Variants in RAD50 observed in about 807,000 individuals in gnomAD.
RAD50 encodes RAD50 double strand break repair protein, also known as DNA repair protein RAD50.
Under a neutral mutation model 168.8 loss-of-function variants are expected in RAD50, and 132 were observed. The ratio of observed to expected loss-of-function variants is 0.78; its 90% confidence interval spans 0.68 to 0.90. The LOEUF (loss-of-function observed/expected upper bound fraction) is 0.90. RAD50 is among the 40% of genes least tolerant of loss of function. The probability of loss-of-function intolerance (pLI) is 0.00; values close to 1 mark genes in which losing one functional copy is unlikely to be tolerated. For missense variants in RAD50, 1,347 were observed against 1,534.4 expected, an observed-to-expected ratio of 0.88 and a Z score of 2.04; for synonymous variants, 525 against 497.4, an observed-to-expected ratio of 1.06 and a Z score of -0.74.
intron 2 of RAD50, among the ~76,000 whole-genome samples, chr5:132,571,115 CAA>C (rs1750295883): frequency 6.6e-6 from 1 of 151,504 alleles, no homozygotes; most frequent in South Asian, 2.1e-4. Context: ...TTGTGGCACA[CAA>C]ACAATTACAG....
chr5:132,588,212 A>G (rs976294927), intron 7 of RAD50, 123 bp downstream of exon 7: 4 of 1,129,220 alleles, frequency 3.5e-6, no homozygotes, highest in East Asian at 2.5e-5. Flanking sequence ...TATACACAGT[A>G]TGTTTCCATT....
chr5:132,637,079 T>A (rs756506107), intron 21 of RAD50, 36 bp from the exon 22 acceptor site: 16 of 1,514,034 alleles, frequency 1.1e-5, no homozygotes, highest in Admixed American at 8.9e-5. Flanking sequence ...TAATTATTTT[T>A]TATATATATG....
At chr5:132,564,983 A>G (rs1480675894) in intron 2 of RAD50, among the ~76,000 whole-genome samples, 1 of 152,214 alleles carries the variant, frequency 6.6e-6, no homozygotes, top group Admixed American at 6.5e-5. Context: ...CTGGATGTCC[A>G]GGCAGAAGTC....
At chr5:132,593,021 G>A in intron 11 of RAD50, 1 of 364,416 alleles carries the variant, frequency 2.7e-6, no homozygotes, top group Non-Finnish European at 5.7e-6. Flanking sequence ...TCTTCAGTTA[G>A]GGCATGAAGA....
At chr5:132,592,987 G>T (rs115676356) in intron 11 of RAD50, 3 of 414,212 alleles carry the variant, frequency 7.2e-6, no homozygotes, top group African/African-American at 2.1e-5. Flanking sequence ...GTTGGCTATT[G>T]TTTCTGCTGT....
At chr5:132,576,684 C>T (rs1179524248) in intron 3 of RAD50, among the ~76,000 whole-genome samples, 2 of 152,006 alleles carry the variant, frequency 1.3e-5, no homozygotes, top group East Asian at 1.9e-4. Context: ...CTGTCTCCTT[C>T]TTCTCCTTTA....
chr5:132,589,873 A>G, intron 9 of RAD50, 36 bp downstream of exon 9: 1 of 1,526,294 alleles, frequency 6.6e-7, no homozygotes, highest in Non-Finnish European at 9.0e-7. Context: ...TAATTTTAAG[A>G]TATAATACTT....
At chr5:132,613,236 G>A (rs1751116897) in intron 19 of RAD50, among the ~76,000 whole-genome samples, 1 of 152,120 alleles carries the variant, frequency 6.6e-6, no homozygotes, top group Non-Finnish European at 1.5e-5. Flanking sequence ...GCTAAATTTA[G>A]TCCACAGAAT....
chr5:132,559,008 T>G (rs1461255049), intron 1 of RAD50, among the ~76,000 whole-genome samples: 1 of 152,188 alleles, frequency 6.6e-6, no homozygotes, highest in Non-Finnish European at 1.5e-5. Flanking sequence ...GCCATTCTTA[T>G]TATTAACTTA....
intron 19 of RAD50, among the ~76,000 whole-genome samples, chr5:132,610,856 C>G (rs1320570793): frequency 6.6e-6 from 1 of 152,020 alleles, no homozygotes; most frequent in African/African-American, 2.4e-5. Flanking sequence ...GATCTATGAC[C>G]CCTTTTAAAG....
chr5:132,579,339 A>T lies in RAD50; in HGVS notation c.388A>T (p.Ser130Cys), dbSNP rs1175967945. 6.2e-7 allele frequency: 1 copy of T among 1,613,980 alleles called. No homozygotes were observed. Among genetic ancestry groups the T allele is most frequent in the Non-Finnish European group, 8.5e-7 (1 of 1,179,932 alleles). ...TAGGCATGGTGAAAAGGTCAGTCTG[A>T]GCTCTAAGTGTGCAGAAATTGACCG... ...RTKHGEKVSL[S>C]SKCAEIDREM... is the part of the protein sequence containing the mutation. The change falls in exon 4 of 25, where the codon AGC becomes TGC. Residue 130 changes from serine (S) to cysteine (C), a missense_variant. By Grantham distance (112) the Ser-to-Cys change is moderately radical. Around this residue, in one of 3 missense-constraint regions of RAD50, gnomAD observed 703 missense variants for 767.7 expected, o/e 0.92. Transcript: ENST00000378823.
At position 132,604,939 on chromosome 5, in the gene RAD50, A is replaced by G. The variant is rs768654795; in HGVS notation, c.2658A>G (p.Gln886=). 27 of 1,613,932 alleles carry G rather than the reference A, an allele frequency of 1.7e-5. No individual in the cohort carries two copies. The East Asian group carries it at 5.8e-4, about 35-fold the overall frequency. ...QISTNLQRRQ[Q]LEEQTVELST... Reference sequence around the variant, plus strand: ...CCACTAATTTGCAACGTCGTCAGCAACTGGAGGAGCAGACTGTGGAATTAT... The same window carrying G: ...CCACTAATTTGCAACGTCGTCAGCAGCTGGAGGAGCAGACTGTGGAATTAT... Residue 886 remains glutamine (Q), a synonymous_variant, in exon 16 of 25, where the codon CAA becomes CAG. Coordinates refer to ENST00000378823, the MANE Select transcript of RAD50 (RefSeq NM_005732.4).
chr5:132,580,111 T>A, intron 5 of RAD50, 45 bp downstream of exon 5: 7 of 1,440,122 alleles, frequency 4.9e-6, no homozygotes, highest in Non-Finnish European at 6.8e-6. Flanking sequence ...TATATCTTTA[T>A]GGTATACAGC....
chr5:132,569,534 C>T (rs1279123840), intron 2 of RAD50, among the ~76,000 whole-genome samples: 2 of 150,234 alleles, frequency 1.3e-5, no homozygotes, highest in Non-Finnish European at 2.9e-5. Context: ...TCTGCAAGGT[C>T]AATTGGAGAT....
chr5:132,595,251 C>A, intron 12 of RAD50: 1 of 611,948 alleles, frequency 1.6e-6, no homozygotes, highest in South Asian at 2.0e-5. Flanking sequence ...AATGAGGACA[C>A]AACTACCACC....
At chr5:132,576,991 A>G (rs1241964576) in intron 3 of RAD50, among the ~76,000 whole-genome samples, 2 of 152,214 alleles carry the variant, frequency 1.3e-5, no homozygotes, top group Non-Finnish European at 2.9e-5. Flanking sequence ...GTCTTCTATG[A>G]CTGCTATAAG....
At chr5:132,597,716 A>C (rs1750815728) in intron 13 of RAD50, among the ~76,000 whole-genome samples, 1 of 152,210 alleles carries the variant, frequency 6.6e-6, no homozygotes, top group South Asian at 2.1e-4. Context: ...CTTGATCCTC[A>C]TATCTCTGAG....
intron 2 of RAD50, among the ~76,000 whole-genome samples, chr5:132,567,114 T>G (rs972060609): frequency 2.6e-5 from 4 of 152,096 alleles, no homozygotes; most frequent in Non-Finnish European, 5.9e-5. Flanking sequence ...AATGATTAAT[T>G]GAATTAGTAT....
chr5:132,602,153 T>A (rs2706374), intron 13 of RAD50, among the ~76,000 whole-genome samples: 49,772 of 152,006 alleles, frequency 0.33, 10,807 homozygotes, highest in African/African-American at 0.63. Context: ...TAAAAAATTT[T>A]AAAAAACTAT....
Sources: allele counts gnomAD v4.1 joint callset (sites outside exome capture counted in the v4.1 genomes callset), GRCh38; gene constraint gnomAD v4.1.1; regional missense constraint gnomAD v4.1.1; transcripts MANE v1.5; gene names NCBI Gene and HGNC (gene_info 2026-07-23, HGNC 2026-07-21).